Variants in KIF20B observed in about 807,000 individuals in gnomAD.
KIF20B encodes kinesin family member 20B, also known as kinesin-like protein KIF20B.
KIF20B carries 188 observed loss-of-function variants against 232.5 expected under a neutral mutation model. The observed-to-expected ratio is 0.81, with a 90% confidence interval of 0.72 to 0.91. KIF20B has a LOEUF of 0.91. Ranked by LOEUF, KIF20B falls within the 40% of genes least tolerant of loss-of-function variation. The pLI, the probability that KIF20B is intolerant of heterozygous loss-of-function variation, is 0.00. For synonymous variants in KIF20B, 712 were observed against 683.0 expected (o/e 1.04, Z -0.66); for missense variants, 2,154 against 2,055.9 (o/e 1.05, Z -0.92).
At chr10:89,727,809 T>G (rs775723192) in intron 16 of KIF20B, 47 bp from the exon 17 acceptor site, 57 of 1,464,002 alleles carry the variant, frequency 3.9e-5, no homozygotes, top group Non-Finnish European at 5.2e-5. Context: ...GTGATACATA[T>G]TTTTAGATGC....
Position 89,762,845 on chromosome 10 carries a change from T to C in KIF20B, c.4989+10T>C, listed in dbSNP as rs747123345. 6.4e-7 allele frequency: 1 copy of C among 1,562,738 alleles called. No individual in the cohort carries two copies. Among genetic ancestry groups the C allele is most frequent in the South Asian group, 1.1e-5 (1 of 89,686 alleles). On this transcript the variant is annotated intron_variant, in intron 29 of 32. Coordinates refer to ENST00000371728, the MANE Select transcript of KIF20B (RefSeq NM_001284259.2). Reference sequence around the variant, plus strand: ...TAATGAAATGGAGGAGGTAAATACTTAAGTGATGAGTAAATTTAATGAACA... The same window carrying C: ...TAATGAAATGGAGGAGGTAAATACTCAAGTGATGAGTAAATTTAATGAACA...
At chr10:89,746,320 G>A (rs1395430736) in intron 23 of KIF20B, among the ~76,000 whole-genome samples, 3 of 152,194 alleles carry the variant, frequency 2.0e-5, no homozygotes, top group Non-Finnish European at 4.4e-5. Flanking sequence ...TCACACATGG[G>A]CGTGTAGAAG....
At chr10:89,724,796 T>C (rs2133106793) in intron 14 of KIF20B, among the ~76,000 whole-genome samples, 1 of 152,108 alleles carries the variant, frequency 6.6e-6, no homozygotes, top group African/African-American at 2.4e-5. Flanking sequence ...TTTGTGTTTT[T>C]AGTAGAGACG....
At chr10:89,759,452 A>G (rs1842194686) in intron 27 of KIF20B, among the ~76,000 whole-genome samples, 1 of 152,090 alleles carries the variant, frequency 6.6e-6, no homozygotes, top group African/African-American at 2.4e-5. Context: ...TCTTTCTGGA[A>G]TAATCTGTAC....
intron 22 of KIF20B, among the ~76,000 whole-genome samples, chr10:89,745,257 G>A (rs557715593): frequency 3.9e-5 from 6 of 152,194 alleles, no homozygotes; most frequent in African/African-American, 9.7e-5. Context: ...GGGCACAGTC[G>A]CTCACGCATG....
chr10:89,773,316 A>ATTT, intron 32 of KIF20B, among the ~76,000 whole-genome samples: 1 of 152,096 alleles, frequency 6.6e-6, no homozygotes, highest in Non-Finnish European at 1.5e-5. Flanking sequence ...GTCACAGGGA[A>ATTT]AGCTCAAATT....
chr10:89,725,891 C>T (rs919134688), intron 15 of KIF20B, among the ~76,000 whole-genome samples: 2 of 152,076 alleles, frequency 1.3e-5, no homozygotes, highest in Admixed American at 6.6e-5. Context: ...GATGTCCAGA[C>T]GTCTGCTGTC....
chr10:89,725,216 G>T, intron 15 of KIF20B, 58 bp downstream of exon 15: 1 of 1,450,620 alleles, frequency 6.9e-7, no homozygotes, highest in South Asian at 1.2e-5. Flanking sequence ...AGGGTTTAGT[G>T]TACCACATCA....
intron 27 of KIF20B, 117 bp downstream of exon 27, chr10:89,758,999 TA>T: frequency 1.8e-6 from 1 of 546,174 alleles, no homozygotes; most frequent in Non-Finnish European, 2.9e-6. Flanking sequence ...TCAGAGTATT[TA>T]AAATGTGGAA....
chr10:89,743,193 A>G (rs1260054849), intron 21 of KIF20B, among the ~76,000 whole-genome samples: 1 of 152,206 alleles, frequency 6.6e-6, no homozygotes, highest in African/African-American at 2.4e-5. Context: ...GGGGGTTGGT[A>G]TGATGGAAAC....
intron 6 of KIF20B, 48 bp from the exon 7 acceptor site, chr10:89,713,999 C>G: frequency 1.1e-6 from 1 of 922,266 alleles, no homozygotes; most frequent in African/African-American, 1.7e-5. Context: ...GATTATTTAA[C>G]CTTAATGAAA....
intron 14 of KIF20B, 144 bp from the exon 15 acceptor site, chr10:89,724,876 A>C: frequency 1.4e-6 from 1 of 725,326 alleles, no homozygotes; most frequent in Non-Finnish European, 2.2e-6. Context: ...CCGCCTCCCA[A>C]ATTGCTGGGA....
In KIF20B at chr10:89,701,601, C is replaced by T. The variant is rs1589846315; in HGVS notation, c.-81C>T. The T allele has an allele frequency of 6.6e-6, 1 of 152,348 alleles. No individual in the cohort carries two copies. Among genetic ancestry groups the T allele is most frequent in the South Asian group, 2.1e-4 (1 of 4,834 alleles). The allele number at this position is 152,348 out of a possible 1,614,324, so 9.4% of individuals were successfully genotyped here. ...TACTCCCAGCGTTCAGTGCGGTGCC[C>T]TGGCCGCCATTGTTTGAATTTGAAA... On this transcript the variant is annotated 5_prime_UTR_variant, in exon 1 of 33. Transcript: ENST00000371728.
intron 11 of KIF20B, among the ~76,000 whole-genome samples, chr10:89,717,961 A>G (rs1332553106): frequency 1.3e-5 from 2 of 152,208 alleles, no homozygotes; most frequent in East Asian, 1.9e-4. Flanking sequence ...CTATACCAAT[A>G]GACACTGTAA....
chr10:89,766,704 G>A (rs1216422233), intron 29 of KIF20B, among the ~76,000 whole-genome samples: 1 of 152,084 alleles, frequency 6.6e-6, no homozygotes, highest in Admixed American at 6.6e-5. Flanking sequence ...GCTGATGTAA[G>A]AGCAGAAATA....
chr10:89,753,340 G>A (rs1842059134), intron 25 of KIF20B, among the ~76,000 whole-genome samples: 2 of 152,060 alleles, frequency 1.3e-5, no homozygotes, highest in South Asian at 4.2e-4. Flanking sequence ...TTAAAATTCT[G>A]GCTGTGTATT....
rs1842518789 is a variant in KIF20B at position 89,773,961 on chromosome 10, T to C, written c.5386-10T>C. On this transcript the variant is annotated splice_polypyrimidine_tract_variant and intron_variant, in intron 32 of 32. Coordinates refer to ENST00000371728, the MANE Select transcript of KIF20B (RefSeq NM_001284259.2). ...CAAGCTTTGAAAAACTATGAAATTT[T>C]TAATTTCAGATTTTAATGGACCAGA... 2.0e-6 allele frequency: 3 copies of C among 1,509,026 alleles called. No homozygotes were observed. The highest frequency in any genetic ancestry group is 3.9e-5 in the Admixed American group (2 of 50,884). The allele number at this position is 1,509,026 out of a possible 1,614,324, so 93.5% of individuals were successfully genotyped here. A position where few individuals can be genotyped will look rare whatever the true frequency, so the allele number is the denominator to read the frequency against.
At position 89,751,484 on chromosome 10, in the gene KIF20B, T is replaced by A. The variant is rs762894417; in HGVS notation, c.4222+13T>A. 1.3e-6 allele frequency: 2 copies of A among 1,591,008 alleles called. No individual in the cohort carries two copies. Among genetic ancestry groups the A allele is most frequent in the Admixed American group, 3.7e-5 (2 of 53,938 alleles). On this transcript the variant is annotated intron_variant, in intron 24 of 32. Coordinates refer to ENST00000371728, the MANE Select transcript of KIF20B (RefSeq NM_001284259.2). Reference sequence around the variant, plus strand: ...AGGCTGGCCACAGGTAAAACAAGATTGCTTACATTTCTCTAAATATACTTT... The same window carrying A: ...AGGCTGGCCACAGGTAAAACAAGATAGCTTACATTTCTCTAAATATACTTT...
At chr10:89,754,696 A>G in intron 26 of KIF20B, 23 bp downstream of exon 26, 1 of 1,476,598 alleles carries the variant, frequency 6.8e-7, no homozygotes, top group Admixed American at 2.2e-5. Context: ...TGTATCTTTG[A>G]TGTATTTCAC....
Sources: allele counts gnomAD v4.1 joint callset (sites outside exome capture counted in the v4.1 genomes callset), GRCh38; gene constraint gnomAD v4.1.1; transcripts MANE v1.5; gene names NCBI Gene and HGNC (gene_info 2026-07-23, HGNC 2026-07-21).